The following DPCD variants were observed in gnomAD, a reference collection of about 807,000 sequenced individuals.
DPCD encodes the protein protein DPCD.
A neutral mutation model predicts 26.4 loss-of-function variants in DPCD; 20 were observed. That is an observed-to-expected ratio of 0.76 (90% CI 0.53 to 1.10). The LOEUF (loss-of-function observed/expected upper bound fraction) is 1.10. Ranked by LOEUF, DPCD falls within the 50% of genes least tolerant of loss-of-function variation. The pLI, the probability that DPCD is intolerant of heterozygous loss-of-function variation, is 0.00. For synonymous variants in DPCD, 97 were observed against 94.2 expected (o/e 1.03, Z -0.17); for missense variants, 202 against 253.9 (o/e 0.80, Z 1.39).
intron 1 of DPCD, among the ~76,000 whole-genome samples, chr10:101,589,123 T>G (rs1343852148): frequency 6.6e-6 from 1 of 152,226 alleles, no homozygotes; most frequent in African/African-American, 2.4e-5. Flanking sequence ...CTGAAGTTCC[T>G]GAGGCTTTCA....
rs1448347670 is a variant in DPCD at position 101,588,410 on chromosome 10, G to A, written c.64+10G>A. On this transcript the variant is annotated intron_variant, in intron 1 of 5. Transcript: ENST00000370151. The stretch of plus-strand genomic sequence containing the variant: ...GCGCTGCTGCAGGACGGTAACTCGA[G>A]GGTCCCCACGGGCTCCTTCGTTTTT... The A allele has an allele frequency of 2.5e-6, 4 of 1,583,570 alleles. No homozygotes were observed. Among genetic ancestry groups the A allele is most frequent in the Non-Finnish European group, 3.4e-6 (4 of 1,163,788 alleles).
At chr10:101,602,584 A>C (rs2063705731) in intron 4 of DPCD, among the ~76,000 whole-genome samples, 2 of 152,268 alleles carry the variant, frequency 1.3e-5, no homozygotes, top group Admixed American at 6.5e-5. Flanking sequence ...TGAAGCCCTC[A>C]GATAAGAGGC....
intron 2 of DPCD, among the ~76,000 whole-genome samples, chr10:101,597,470 G>A (rs2063661948): frequency 6.6e-6 from 1 of 152,232 alleles, no homozygotes; most frequent in Non-Finnish European, 1.5e-5. Context: ...AGGGTTTGGA[G>A]CTTTGGGGAA....
At chr10:101,608,750 G>A (rs1297437356) in intron 4 of DPCD, 85 bp from the exon 5 acceptor site, 25 of 857,808 alleles carry the variant, frequency 2.9e-5, no homozygotes, top group Non-Finnish European at 4.9e-5. Flanking sequence ...GAAGAACTAG[G>A]TAGAAGCTAG....
rs1367140917 is a variant in DPCD at position 101,600,187 on chromosome 10, T to G, written c.146-551T>G. Among the ~76,000 whole-genome samples, 1 of 152,104 alleles carries G rather than the reference T, an allele frequency of 6.6e-6. No individual in the cohort carries two copies. Among genetic ancestry groups the G allele is most frequent in the Non-Finnish European group, 1.5e-5 (1 of 68,000 alleles). ...TTTGTTTAAATGCAGCTTTGGAGCG[T>G]TTTTTTGTTTTTGCTTTTTTCTTTT... On this transcript the variant is annotated intron_variant, in intron 2 of 5. Transcript: ENST00000370151. This position sits in a 1 kb window ranked among gnomAD's most constrained non-coding sequence, Gnocchi z 4.7.
chr10:101,608,868 T>C lies in DPCD; in HGVS notation c.438T>C (p.Asp146=), dbSNP rs988166082. The change falls in exon 5 of 6, where the codon GAT becomes GAC. Residue 146 remains aspartate, a synonymous_variant. Transcript: ENST00000370151. ...YYKKFSIPDL[D]RHQLPLDDAL... ...AGAAGTTCTCCATTCCTGATCTAGA[T>C]AGACACCAGCTACCTCTGGATGACG... The C allele has an allele frequency of 5.6e-6, 9 of 1,613,664 alleles. No individual in the cohort carries two copies. Among genetic ancestry groups the C allele is most frequent in the South Asian group, 3.3e-5 (3 of 91,068 alleles).
chr10:101,607,580 C>T (rs900263548), intron 4 of DPCD, among the ~76,000 whole-genome samples: 2 of 152,016 alleles, frequency 1.3e-5, no homozygotes, highest in African/African-American at 4.8e-5. Context: ...GCAGGGAGGA[C>T]GGGGGCAGAA....
chr10:101,589,580 A>C (rs996006111), intron 1 of DPCD, among the ~76,000 whole-genome samples: 4 of 151,918 alleles, frequency 2.6e-5, no homozygotes, highest in Admixed American at 1.3e-4. Context: ...TCATCTCTAC[A>C]AAAAATACGG....
At chr10:101,609,098 G>T in intron 5 of DPCD, 161 bp downstream of exon 5, 1 of 693,346 alleles carries the variant, frequency 1.4e-6, no homozygotes, top group Non-Finnish European at 2.5e-6. Context: ...AGAGCAGGGA[G>T]GGGGCTCAGG....
chr10:101,604,013 C>T (rs999582964), intron 4 of DPCD, among the ~76,000 whole-genome samples: 19 of 152,192 alleles, frequency 1.2e-4, no homozygotes, highest in African/African-American at 4.3e-4. Context: ...GCCTTGGCCT[C>T]CTGAAGTGCT....
chr10:101,588,323 T>A lies in DPCD; in HGVS notation c.-14T>A. ...CCATGGCAGCGGCTGGGCGTGCTGCTTAGCAGGGGAAAGATGGCGGTGACG... is the reference window on the plus strand; with the variant it reads ...CCATGGCAGCGGCTGGGCGTGCTGCATAGCAGGGGAAAGATGGCGGTGACG... On this transcript the variant is annotated 5_prime_UTR_variant, in exon 1 of 6. Coordinates refer to ENST00000370151, the MANE Select transcript of DPCD (RefSeq NM_015448.3). 6.2e-7 allele frequency: 1 copy of A among 1,600,480 alleles called. No individual in the cohort carries two copies. The highest frequency in any genetic ancestry group is 8.5e-7 in the Non-Finnish European group (1 of 1,172,848).
intron 5 of DPCD, 163 bp downstream of exon 5, chr10:101,609,100 G>GGGCTCAGGAAGGA: frequency 1.4e-6 from 1 of 692,132 alleles, no homozygotes; most frequent in Non-Finnish European, 2.5e-6. Context: ...AGCAGGGAGG[G>GGGCTCAGGAAGGA]GGCTCAGGAA....
At chr10:101,608,751 T>G (rs1005015062) in intron 4 of DPCD, 84 bp from the exon 5 acceptor site, 3 of 864,578 alleles carry the variant, frequency 3.5e-6, no homozygotes, top group Admixed American at 1.9e-5. Flanking sequence ...AAGAACTAGG[T>G]AGAAGCTAGG....
chr10:101,608,035 A>AG (rs1175930935), intron 4 of DPCD, among the ~76,000 whole-genome samples: 28 of 152,170 alleles, frequency 1.8e-4, no homozygotes, highest in African/African-American at 2.7e-4. Context: ...CTTTTAGGTA[A>AG]GGGGGGTCAA....
chr10:101,598,705 G>A (rs2063671671), intron 2 of DPCD, among the ~76,000 whole-genome samples: 1 of 127,350 alleles, frequency 7.9e-6, no homozygotes, highest in Admixed American at 1.0e-4. Context: ...GCTCACCACA[G>A]CCTCCACCTC....
chr10:101,596,354 C>T (rs761572675), intron 2 of DPCD, among the ~76,000 whole-genome samples: 1 of 152,152 alleles, frequency 6.6e-6, no homozygotes, highest in Non-Finnish European at 1.5e-5. Context: ...CTCATTTACT[C>T]GTCCTCGTTA....
At chr10:101,608,802 G>A (rs375932631) in intron 4 of DPCD, 33 bp from the exon 5 acceptor site, 66 of 1,513,904 alleles carry the variant, frequency 4.4e-5, no homozygotes, top group East Asian at 1.6e-4. Context: ...TCACCTTGCC[G>A]AGTGCCCCAA....
intron 4 of DPCD, among the ~76,000 whole-genome samples, chr10:101,606,113 G>C (rs1181769492): frequency 6.6e-6 from 1 of 152,204 alleles, no homozygotes; most frequent in Non-Finnish European, 1.5e-5. Context: ...CCTGCTGTAA[G>C]GGTTCATCTT....
At chr10:101,593,729 C>T (rs2063630041) in intron 1 of DPCD, among the ~76,000 whole-genome samples, 1 of 152,318 alleles carries the variant, frequency 6.6e-6, no homozygotes, top group Non-Finnish European at 1.5e-5. Context: ...GCTGGGACTA[C>T]AGGCACCTAC....
Sources: gnomAD v4.1 joint callset for allele counts (sites outside exome capture counted in the v4.1 genomes callset) on GRCh38, gnomAD v4.1.1 for gene constraint, Gnocchi (gnomAD v3.1) non-coding constraint, MANE v1.5 for transcripts, NCBI Gene and HGNC (gene_info 2026-07-23, HGNC 2026-07-21) for gene names.